Variants in GPR6 observed in about 807,000 individuals in gnomAD.
GPR6 encodes the protein G protein-coupled receptor 6, also known as sphingosine 1-phosphate receptor GPR6.
In GPR6, 14 loss-of-function variants were observed where a neutral mutation model predicts 18.5. The ratio of observed to expected loss-of-function variants is 0.76; its 90% CI spans 0.50 to 1.18. The LOEUF is 1.18. Among genes scored for constraint, GPR6 ranks in the 50% most tolerant of loss-of-function variants. GPR6 has a pLI of 0.00. For missense variants in GPR6, 477 were observed against 495.9 expected, an observed-to-expected ratio of 0.96 and a Z score of 0.36; for synonymous variants, 299 against 240.9, an observed-to-expected ratio of 1.24 and a Z score of -2.23.
At position 109,979,625 on chromosome 6, in the gene GPR6, T is replaced by A; in HGVS notation, c.513T>A (p.Tyr171Ter). 1 of 1,612,752 alleles carries A rather than the reference T, an allele frequency of 6.2e-7. No individual in the cohort carries two copies. The change falls in exon 2 of 2, where the codon TAT (tyrosine) becomes TAA (stop). Residue 171 changes from tyrosine (Y) to a stop codon, truncating the protein, a stop_gained. Coordinates refer to ENST00000275169, the MANE Select transcript of GPR6 (RefSeq NM_005284.5). LOFTEE classifies it high-confidence loss of function. ...AITVDRYLSL[Y>*]NALTYYSRRT... ...CGGTGGACCGCTACCTGTCCCTGTA[T>A]AACGCGCTCACCTATTACTCGCGCC...
At chr6:109,978,568 A>G (rs1232727584) in intron 1 of GPR6, 101 bp downstream of exon 1, 3 of 587,412 alleles carry the variant, frequency 5.1e-6, no homozygotes, top group Non-Finnish European at 9.0e-6. Context: ...AATGGAGCCA[A>G]CCTTGACTCC....
In GPR6 at chr6:109,980,573, A is replaced by G. The variant is rs1377684365; in HGVS notation, c.*372A>G. On this transcript the variant is annotated 3_prime_UTR_variant, in exon 2 of 2. Transcript: ENST00000275169. ...ATAGCACTTTATTTTTAGCTGCTGA[A>G]CTGCCAAAACAGTGTTGCCATTTTC... The G allele has an allele frequency of 4.5e-6, 1 of 223,444 alleles. No homozygotes were observed. The highest frequency in any genetic ancestry group is 9.4e-6 in the Non-Finnish European group (1 of 106,488). The allele number at this position is 223,444 out of a possible 1,614,324, so 13.8% of individuals were successfully genotyped here. A position where few individuals can be genotyped will look rare whatever the true frequency, so the allele number is the denominator to read the frequency against.
In GPR6 at chr6:109,979,798, T is replaced by C; in HGVS notation, c.686T>C (p.Leu229Pro). ...VRPLARSHVA[L>P]LSAAFFMVFG... ...CCGCTGGCGCGCAGCCACGTGGCTC[T>C]GCTCTCCGCCGCCTTCTTCATGGTC... The change falls in exon 2 of 2, where the codon CTG (leucine) becomes CCG (proline). Residue 229 changes from leucine to proline, a missense_variant. Transcript: ENST00000275169. The C allele has an allele frequency of 6.2e-7, 1 of 1,600,858 alleles. No individual in the cohort carries two copies. Among genetic ancestry groups the C allele is most frequent in the Non-Finnish European group, 8.5e-7 (1 of 1,177,778 alleles).
Position 109,980,651 on chromosome 6 carries a change from AT to A in GPR6, c.*454del, listed in dbSNP as rs1771068718. 1 of 189,202 alleles carries A rather than the reference AT, an allele frequency of 5.3e-6. No individual in the cohort carries two copies. Among genetic ancestry groups the A allele is most frequent in the Non-Finnish European group, 1.2e-5 (1 of 83,778 alleles). The allele number at this position is 189,202 out of a possible 1,614,324, so 11.7% of individuals were successfully genotyped here. On this transcript the variant is annotated 3_prime_UTR_variant, in exon 2 of 2. Transcript: ENST00000275169. Reference sequence around the variant, plus strand: ...GTATTTTTGTCGTATGTGATAGAATATTTTGCTGCACATGCATCAACAAATT... The same window carrying A: ...GTATTTTTGTCGTATGTGATAGAATATTTGCTGCACATGCATCAACAAATT...
In GPR6 at chr6:109,980,712, A is replaced by G. The variant is rs1185336117; in HGVS notation, c.*511A>G. The G allele has an allele frequency of 5.9e-6, 1 of 169,436 alleles. No homozygotes were observed. Among genetic ancestry groups the G allele is most frequent in the African/African-American group, 2.4e-5 (1 of 41,514 alleles). The allele number at this position is 169,436 out of a possible 1,614,324, so 10.5% of individuals were successfully genotyped here. ...TTTGTACACGAATAAACCCATTACA[A>G]GAATGTAATTTGGGGTATGTCACTG... On this transcript the variant is annotated 3_prime_UTR_variant, in exon 2 of 2. Coordinates refer to ENST00000275169, the MANE Select transcript of GPR6 (RefSeq NM_005284.5).
At position 109,979,553 on chromosome 6, in the gene GPR6, C is replaced by A; in HGVS notation, c.441C>A (p.Phe147Leu). ...SETVSLLTVG[F>L]LVASFAASVS... ...CTGTGAGTCTGCTCACGGTGGGCTTCCTCGTGGCCTCCTTCGCCGCCTCTG... is the reference window on the plus strand; with the variant it reads ...CTGTGAGTCTGCTCACGGTGGGCTTACTCGTGGCCTCCTTCGCCGCCTCTG... The change falls in exon 2 of 2, where the codon TTC becomes TTA. Residue 147 changes from phenylalanine (F) to leucine (L), a missense_variant. By Grantham distance (22) the Phe-to-Leu change is conservative. Transcript: ENST00000275169. 1 of 1,612,884 alleles carries A rather than the reference C, an allele frequency of 6.2e-7. No homozygotes were observed. The highest frequency in any genetic ancestry group is 8.5e-7 in the Non-Finnish European group (1 of 1,180,012).
At position 109,979,662 on chromosome 6, in the gene GPR6, G is replaced by T. The variant is rs1170424803; in HGVS notation, c.550G>T (p.Gly184Cys). The change falls in exon 2 of 2, where the codon GGC (glycine) becomes TGC (cysteine). Residue 184 changes from glycine to cysteine, a missense_variant. Physicochemically the swap from Gly to Cys is radical, Grantham distance 159 (BLOSUM62 -3). Transcript: ENST00000275169. ...LTYYSRRTLL[G>C]VHLLLAATWT... is the part of the protein sequence containing the mutation. The stretch of plus-strand genomic sequence containing the variant: ...CTATTACTCGCGCCGGACCCTGTTG[G>T]GCGTGCACCTCCTGCTTGCCGCCAC... 6.2e-7 allele frequency: 1 copy of T among 1,611,634 alleles called. No homozygotes were observed.
intron 1 of GPR6, 151 bp downstream of exon 1, chr6:109,978,618 T>C (rs1770997259): frequency 2.4e-6 from 2 of 824,444 alleles, no homozygotes; most frequent in Non-Finnish European, 3.8e-6. Flanking sequence ...TAGTCTCTCC[T>C]CCCAGACCCC....
rs1190420992 is a variant in GPR6 at position 109,979,343 on chromosome 6, G to C, written c.231G>C (p.Val77=). 10 of 1,613,654 alleles carry C rather than the reference G, an allele frequency of 6.2e-6. No homozygotes were observed. The highest frequency in any genetic ancestry group is 7.6e-6 in the Non-Finnish European group (9 of 1,179,964). Residue 77 remains valine (V), a synonymous_variant, in exon 2 of 2, where the codon GTG becomes GTC. Coordinates refer to ENST00000275169, the MANE Select transcript of GPR6 (RefSeq NM_005284.5). ...TGCCAGCGGTGAATCCGTGGGACGTGCTCCTGTGCGTGTCGGGGACAGTGA... is the reference window on the plus strand; with the variant it reads ...TGCCAGCGGTGAATCCGTGGGACGTCCTCCTGTGCGTGTCGGGGACAGTGA... ...LLLPAVNPWD[V]LLCVSGTVIA... is the part of the protein sequence containing the mutation.
At position 109,978,455 on chromosome 6, in the gene GPR6, C is replaced by G. The variant is rs921492555; in HGVS notation, c.-31C>G. 2 of 321,322 alleles carry G rather than the reference C, an allele frequency of 6.2e-6. No homozygotes were observed. Among genetic ancestry groups the G allele is most frequent in the African/African-American group, 2.1e-5 (1 of 47,262 alleles). The allele number at this position is 321,322 out of a possible 1,614,324, so 19.9% of individuals were successfully genotyped here. ...CCCATGACCAGCGACTTCCAGAAGT[C>G]CTGACGCCCCAGGTGAGTGGCCGAG... On this transcript the variant is annotated 5_prime_UTR_variant, in exon 1 of 2. Transcript: ENST00000275169.
chr6:109,979,005 TG>T, intron 1 of GPR6, 89 bp from the exon 2 acceptor site: 1 of 1,542,682 alleles, frequency 6.5e-7, no homozygotes, highest in Non-Finnish European at 8.7e-7. Flanking sequence ...GCAACTCAAG[TG>T]GGGCAATGCG....
rs1177689640 is a variant in GPR6, at chr6:109,980,184, T to C, written c.1072T>C (p.Ser358Pro). Reference protein sequence around the residue: ...FQSKVPFRSRSPSEV With the variant: ...FQSKVPFRSRPPSEV ...GTCCAAAGTGCCCTTTCGTTCCAGGTCTCCCAGCGAGGTCTGAAGGGCTCG... is the reference window on the plus strand; with the variant it reads ...GTCCAAAGTGCCCTTTCGTTCCAGGCCTCCCAGCGAGGTCTGAAGGGCTCG... Residue 358 changes from serine (S) to proline (P), a missense_variant, in exon 2 of 2, where the codon TCT becomes CCT. Transcript: ENST00000275169. 3.1e-6 allele frequency: 5 copies of C among 1,614,080 alleles called. No homozygotes were observed. In the Admixed American group the frequency reaches 6.7e-5, roughly 22 times the overall value.
rs752575364 is a variant in GPR6, at chr6:109,978,727, T to C, written c.-19+260T>C. 5.9e-6 allele frequency: 9 copies of C among 1,534,842 alleles called. No homozygotes were observed. In the East Asian group the frequency reaches 7.3e-5, roughly 13 times the overall value. ...ACAGCGTCTCTGCTGCCCAGCCCCATGGGGATGTCCTGGTCGCGCCGCCAC... is the reference window on the plus strand; with the variant it reads ...ACAGCGTCTCTGCTGCCCAGCCCCACGGGGATGTCCTGGTCGCGCCGCCAC... On this transcript the variant is annotated intron_variant, in intron 1 of 1. Coordinates refer to ENST00000275169, the MANE Select transcript of GPR6 (RefSeq NM_005284.5).
chr6:109,980,485 T>G lies in GPR6; in HGVS notation c.*284T>G. On this transcript the variant is annotated 3_prime_UTR_variant, in exon 2 of 2. Transcript: ENST00000275169. ...TCTGTGAAAAACCAAGAAAAAGATA[T>G]GGTTGTATACTCAAATTGTACATCA... is the stretch of plus-strand genomic sequence containing the variant. 2.2e-6 allele frequency: 1 copy of G among 460,204 alleles called. No homozygotes were observed. Among genetic ancestry groups the G allele is most frequent in the Non-Finnish European group, 4.0e-6 (1 of 253,074 alleles). 28.5% of individuals were successfully genotyped at this position (460,204 alleles called of 1,614,324 possible).
At position 109,979,776 on chromosome 6, in the gene GPR6, C is replaced by T. The variant is rs1230273375; in HGVS notation, c.664C>T (p.Leu222=). The T allele has an allele frequency of 1.3e-6, 2 of 1,598,422 alleles. No homozygotes were observed. The highest frequency in any genetic ancestry group is 4.5e-5 in the East Asian group (2 of 44,518). Residue 222 remains leucine, a synonymous_variant, in exon 2 of 2, where the codon CTG becomes TTG. Coordinates refer to ENST00000275169, the MANE Select transcript of GPR6 (RefSeq NM_005284.5). Reference sequence around the variant, plus strand: ...CGCCGCCTGCAGCGTGGTGCGCCCGCTGGCGCGCAGCCACGTGGCTCTGCT... The same window carrying T: ...CGCCGCCTGCAGCGTGGTGCGCCCGTTGGCGCGCAGCCACGTGGCTCTGCT... ...ERAACSVVRP[L]ARSHVALLSA... is the part of the protein sequence containing the mutation.
In GPR6 at chr6:109,980,053, C is replaced by A; in HGVS notation, c.941C>A (p.Thr314Asn). The A allele has an allele frequency of 6.2e-7, 1 of 1,614,118 alleles. No homozygotes were observed. The highest frequency in any genetic ancestry group is 8.5e-7 in the Non-Finnish European group (1 of 1,180,028). ...HEDPAVYTYA[T>N]LLPATYNSMI... ...GACCCGGCGGTCTACACTTACGCCA[C>A]CCTGCTGCCCGCCACCTACAACTCC... is the stretch of plus-strand genomic sequence containing the variant. Residue 314 changes from threonine to asparagine, a missense_variant, in exon 2 of 2, where the codon ACC (threonine) becomes AAC (asparagine). Transcript: ENST00000275169.
chr6:109,978,849 T>C, intron 1 of GPR6: 1 of 1,535,552 alleles, frequency 6.5e-7, no homozygotes, highest in Non-Finnish European at 8.7e-7. Context: ...TCCTTGTGCA[T>C]GTGAGTGCAT....
chr6:109,978,711 C>G, intron 1 of GPR6: 1 of 1,530,384 alleles, frequency 6.5e-7, no homozygotes, highest in Non-Finnish European at 8.8e-7. Flanking sequence ...GACAGCGTCT[C>G]TGCTGCCCAG....
At chr6:109,978,722 C>G (rs1771000126) in intron 1 of GPR6, 2 of 1,534,610 alleles carry the variant, frequency 1.3e-6, no homozygotes, top group East Asian at 4.9e-5. Context: ...TGCTGCCCAG[C>G]CCCATGGGGA....
Sources: gnomAD v4.1 joint callset for allele counts on GRCh38, gnomAD v4.1.1 for gene constraint, MANE v1.5 for transcripts, NCBI Gene and HGNC (gene_info 2026-07-23, HGNC 2026-07-21) for gene names.